The following CERKL variants were observed in gnomAD, a reference collection of about 807,000 sequenced individuals.
The protein encoded by CERKL is CERK like autophagy regulator, also known as ceramide kinase-like protein.
CERKL carries 61 observed loss-of-function variants against 63.4 expected under a neutral mutation model. The observed-to-expected ratio is 0.96, with a 90% CI of 0.78 to 1.19. The LOEUF is 1.19. Among genes scored for constraint, CERKL ranks in the 50% most tolerant of loss-of-function variants. The pLI, the probability that CERKL is intolerant of heterozygous loss-of-function variation, is 0.00. For missense variants in CERKL, 675 were observed against 655.5 expected (o/e 1.03, Z -0.33); for synonymous variants, 250 against 230.5 (o/e 1.08, Z -0.77).
At chr2:181,544,108 TA>T (rs1687626528) in intron 11 of CERKL, among the ~76,000 whole-genome samples, 1 of 152,044 alleles carries the variant, frequency 6.6e-6, no homozygotes, top group Non-Finnish European at 1.5e-5. Context: ...ATTTTCCTAA[TA>T]ATCAGGTCAA....
At position 181,537,300 on chromosome 2, in the gene CERKL, TTATC is replaced by T. The variant is rs1687183818; in HGVS notation, c.*880_*883del. On this transcript the variant is annotated 3_prime_UTR_variant, in exon 13 of 13. Transcript: ENST00000410087. ...CTCAGAAACAACTATATATTTCAGGTTATCTGAGCACAGTGAAAGCAGAGTACTA... is the reference window on the plus strand; with the variant it reads ...CTCAGAAACAACTATATATTTCAGGTTGAGCACAGTGAAAGCAGAGTACTA... The T allele has an allele frequency of 2.2e-6, 1 of 453,614 alleles. No individual in the cohort carries two copies. The highest frequency in any genetic ancestry group is 2.0e-5 in the African/African-American group (1 of 49,958). The allele number at this position is 453,614 out of a possible 1,614,324, so 28.1% of individuals were successfully genotyped here.
At chr2:181,582,160 T>C (rs746788802) in intron 2 of CERKL, among the ~76,000 whole-genome samples, 5 of 152,174 alleles carry the variant, frequency 3.3e-5, no homozygotes, top group Non-Finnish European at 7.4e-5. Context: ...CCCTTGGCCA[T>C]CACACCTTGA....
chr2:181,613,976 C>CT (rs1686082242), intron 1 of CERKL, among the ~76,000 whole-genome samples: 1 of 152,146 alleles, frequency 6.6e-6, no homozygotes, highest in Non-Finnish European at 1.5e-5. Flanking sequence ...TGTTAGTATT[C>CT]TATAAACAAG....
chr2:181,542,222 C>G, intron 11 of CERKL, among the ~76,000 whole-genome samples: 2 of 152,152 alleles, frequency 1.3e-5, no homozygotes, highest in East Asian at 3.8e-4. Context: ...TGTTCAGCCT[C>G]TATCTAATTT....
intron 1 of CERKL, among the ~76,000 whole-genome samples, chr2:181,609,533 TAAAAAAAA>T (rs869037405): frequency 5.7e-5 from 4 of 70,216 alleles, no homozygotes; most frequent in Admixed American, 1.8e-4. Context: ...CTGTCTCTAC[TAAAAAAAA>T]AAAAAAAAAA....
chr2:181,647,399 A>T (rs979274940), intron 1 of CERKL, among the ~76,000 whole-genome samples: 2 of 152,222 alleles, frequency 1.3e-5, no homozygotes, highest in Non-Finnish European at 2.9e-5. Context: ...CAGCCCTCCG[A>T]GCCTGCAAGT....
At chr2:181,593,869 A>T (rs1011753906) in intron 2 of CERKL, among the ~76,000 whole-genome samples, 23 of 97,124 alleles carry the variant, frequency 2.4e-4, no homozygotes, top group African/African-American at 1.6e-3. Flanking sequence ...AACACTACTA[A>T]AAAAAAAAAA....
intron 1 of CERKL, among the ~76,000 whole-genome samples, chr2:181,643,890 ATCTT>A (rs1559121454): frequency 6.6e-6 from 1 of 152,172 alleles, no homozygotes; most frequent in Non-Finnish European, 1.5e-5. Flanking sequence ...CAGTAAACAA[ATCTT>A]TCTTTGGGGA....
intron 1 of CERKL, among the ~76,000 whole-genome samples, chr2:181,610,119 A>G (rs955175859): frequency 2.0e-5 from 3 of 152,196 alleles, no homozygotes; most frequent in Non-Finnish European, 4.4e-5. Flanking sequence ...GGACAGAAAT[A>G]TTTGCAACAT....
rs1488896278 is a variant in CERKL at position 181,538,113 on chromosome 2, G to A, written c.*71C>T. The A allele has an allele frequency of 1.8e-6, 2 of 1,084,846 alleles. No individual in the cohort carries two copies. Among genetic ancestry groups the A allele is most frequent in the Admixed American group, 1.8e-5 (1 of 57,126 alleles). The allele number at this position is 1,084,846 out of a possible 1,614,324, so 67.2% of individuals were successfully genotyped here. A position where few individuals can be genotyped will look rare whatever the true frequency, so the allele number is the denominator to read the frequency against. On this transcript the variant is annotated 3_prime_UTR_variant, in exon 13 of 13. Transcript: ENST00000410087. The stretch of plus-strand genomic sequence containing the variant: ...GTCCCAAAAAGGGTGGGGACCACAG[G>A]TTTAAAGCATGGCCACATTTCTTTA...
intron 12 of CERKL, among the ~76,000 whole-genome samples, chr2:181,538,501 T>TA (rs1687317907): frequency 4.0e-5 from 1 of 25,260 alleles, no homozygotes; most frequent in African/African-American, 1.8e-4. Flanking sequence ...GTTATGCCTC[T>TA]AGAACACCCA....
In CERKL at chr2:181,537,119, A is replaced by G. The variant is rs752799265; in HGVS notation, c.*1065T>C. ...GGAATAAACTTTATGACATTTATGT[A>G]TTTTTAAAAAACTTTGTATCGTTAT... is the stretch of plus-strand genomic sequence containing the variant. On this transcript the variant is annotated 3_prime_UTR_variant, in exon 13 of 13. Transcript: ENST00000410087. 2.2e-6 allele frequency: 1 copy of G among 453,052 alleles called. No homozygotes were observed. The highest frequency in any genetic ancestry group is 4.4e-6 in the Non-Finnish European group (1 of 226,506). 28.1% of individuals were successfully genotyped at this position (453,052 alleles called of 1,614,324 possible). A position where few individuals can be genotyped will look rare whatever the true frequency, so the allele number is the denominator to read the frequency against.
intron 1 of CERKL, among the ~76,000 whole-genome samples, chr2:181,605,667 T>C (rs1685645739): frequency 1.3e-5 from 2 of 152,006 alleles, no homozygotes; most frequent in African/African-American, 4.8e-5. Context: ...AGAAAAAAAA[T>C]TCAGCCATCC....
At chr2:181,564,655 T>C (rs1184601291) in intron 4 of CERKL, among the ~76,000 whole-genome samples, 1 of 152,166 alleles carries the variant, frequency 6.6e-6, no homozygotes, top group Non-Finnish European at 1.5e-5. Flanking sequence ...CAGCAGAACA[T>C]TCTGTAATGC....
intron 1 of CERKL, among the ~76,000 whole-genome samples, chr2:181,609,462 G>A (rs529171981): frequency 1.4e-4 from 21 of 145,970 alleles, no homozygotes; most frequent in Admixed American, 3.5e-4. Context: ...TTGGGAGGCC[G>A]AGAAGGGCAG....
rs1446748989 is a variant in CERKL at position 181,558,886 on chromosome 2, T to C, written c.678-178A>G. On this transcript the variant is annotated intron_variant, in intron 4 of 12. Coordinates refer to ENST00000410087, the MANE Select transcript of CERKL (RefSeq NM_201548.5). This position sits in a 1 kb window ranked among gnomAD's most constrained non-coding sequence, Gnocchi z 4.2. ...TAAGACAACACAAACACAACACAGGTAAGTTTACTTCACAAATATAATAAC... is the reference window on the plus strand; with the variant it reads ...TAAGACAACACAAACACAACACAGGCAAGTTTACTTCACAAATATAATAAC... Among the ~76,000 whole-genome samples the C allele has an allele frequency of 6.6e-6, 1 of 152,174 alleles. No homozygotes were observed. Among genetic ancestry groups the C allele is most frequent in the Non-Finnish European group, 1.5e-5 (1 of 68,034 alleles).
At chr2:181,613,618 A>T (rs1334378293) in intron 1 of CERKL, among the ~76,000 whole-genome samples, 8 of 152,220 alleles carry the variant, frequency 5.3e-5, no homozygotes, top group East Asian at 3.8e-4. Flanking sequence ...TTAAAAAGAA[A>T]AACTATAGGC....
rs184046880 is a variant in CERKL, at chr2:181,543,940, C to T, written c.1365+760G>A. ...TGGAGGTTGCAGTGAGCAGACATCA[C>T]GCCACTGCACTCCAGCCTGGGTGAC... is the stretch of plus-strand genomic sequence containing the variant. On this transcript the variant is annotated intron_variant, in intron 11 of 12. Transcript: ENST00000410087. Among the ~76,000 whole-genome samples the T allele has an allele frequency of 3.9e-3, 578 of 147,572 alleles. 7 individuals carry two copies. Among genetic ancestry groups the T allele is most frequent in the South Asian group, 0.02 (94 of 4,690 alleles).
intron 2 of CERKL, among the ~76,000 whole-genome samples, chr2:181,574,895 T>C (rs1461821878): frequency 2.6e-5 from 4 of 152,218 alleles, no homozygotes; most frequent in Non-Finnish European, 5.9e-5. Context: ...CATACTGTTT[T>C]GATTTTAGGG....
Sources: gnomAD v4.1 joint callset for allele counts (sites outside exome capture counted in the v4.1 genomes callset) on GRCh38, gnomAD v4.1.1 for gene constraint, Gnocchi (gnomAD v3.1) non-coding constraint, MANE v1.5 for transcripts, NCBI Gene and HGNC (gene_info 2026-07-23, HGNC 2026-07-21) for gene names.